The following IQSEC3 variants were observed in gnomAD, a reference collection of about 807,000 sequenced individuals.
IQSEC3 encodes IQ motif and SEC7 domain-containing protein 3.
A neutral mutation model predicts 105.4 loss-of-function variants in IQSEC3; 50 were observed. The ratio of observed to expected loss-of-function variants is 0.47; its 90% confidence interval spans 0.38 to 0.60. The LOEUF (loss-of-function observed/expected upper bound fraction) is 0.60. IQSEC3 is among the 20% of genes least tolerant of loss of function. IQSEC3 has a pLI of 0.00. For missense variants in IQSEC3, 1,415 were observed against 1,630.0 expected, an observed-to-expected ratio of 0.87 and a Z score of 2.27; for synonymous variants, 708 against 746.0, an observed-to-expected ratio of 0.95 and a Z score of 0.83.
intron 13 of IQSEC3, 36 bp downstream of exon 13, chr12:171,197 C>T (rs1938974051): frequency 1.2e-6 from 2 of 1,613,704 alleles, no homozygotes; most frequent in Non-Finnish European, 8.5e-7. Flanking sequence ...TGAGTGACTA[C>T]CCTGCCCCCT....
intron 1 of IQSEC3, among the ~76,000 whole-genome samples, chr12:81,277 G>A (rs902077595): frequency 1.3e-5 from 2 of 152,196 alleles, no homozygotes; most frequent in African/African-American, 4.8e-5. Flanking sequence ...GAGTCCGTTA[G>A]GAAGTGTTTG....
Position 174,874 on chromosome 12 carries a change from C to T in IQSEC3, c.3390C>T (p.Gly1130=), listed in dbSNP as rs768640196. 1 of 1,576,634 alleles carries T rather than the reference C, an allele frequency of 6.3e-7. No individual in the cohort carries two copies. Residue 1130 remains glycine, a synonymous_variant, in exon 14 of 14, where the codon GGC becomes GGT. Coordinates refer to ENST00000538872, the MANE Select transcript of IQSEC3 (RefSeq NM_001170738.2). Reference sequence around the variant, plus strand: ...CCTCGTCGTCCTCTGACTCCTGCGGCTCCACACCCCTGGGCGGTCCCGGCT... The same window carrying T: ...CCTCGTCGTCCTCTGACTCCTGCGGTTCCACACCCCTGGGCGGTCCCGGCT... The part of the protein sequence containing the change: ...CYTSSSSDSC[G]STPLGGPGSP...
intron 1 of IQSEC3, among the ~76,000 whole-genome samples, chr12:76,116 A>G (rs1279541687): frequency 6.6e-6 from 1 of 151,594 alleles, no homozygotes; most frequent in African/African-American, 2.4e-5. Flanking sequence ...ACACACACAC[A>G]CACACACACA....
chr12:68,835 T>C lies in IQSEC3; in HGVS notation c.554+1399T>C, dbSNP rs567523190. ...CAGGGTAGCTCACAGAGCACGTTGA[T>C]CAAAACCACAGGATCTAAGAGGTGA... On this transcript the variant is annotated intron_variant, in intron 1 of 13. Transcript: ENST00000538872. Among the ~76,000 whole-genome samples the C allele has an allele frequency of 3.5e-3, 539 of 152,352 alleles. 4 individuals are homozygous for C. Among genetic ancestry groups the C allele is most frequent in the African/African-American group, 0.012 (505 of 41,550 alleles).
At chr12:126,109 G>A (rs1294060572) in intron 3 of IQSEC3, among the ~76,000 whole-genome samples, 197 bp downstream of exon 3, 1 of 152,240 alleles carries the variant, frequency 6.6e-6, no homozygotes, top group African/African-American at 2.4e-5. Context: ...ACCATGGCAG[G>A]GCTCATACCC....
chr12:174,675 C>T lies in IQSEC3; in HGVS notation c.3191C>T (p.Pro1064Leu), dbSNP rs747026524. 22 of 1,591,408 alleles carry T rather than the reference C, an allele frequency of 1.4e-5. No homozygotes were observed. Among genetic ancestry groups the T allele is most frequent in the Non-Finnish European group, 1.9e-5 (22 of 1,176,338 alleles). ...LGAERGAPVPPPDLQPSPPRQ... is the reference protein window; with the variant it reads ...LGAERGAPVPLPDLQPSPPRQ... ...GCCGAGAGGGGAGCGCCGGTGCCGC[C>T]GCCAGACCTGCAGCCTAGCCCCCCG... The change falls in exon 14 of 14, where the codon CCG becomes CTG. Residue 1064 changes from proline to leucine, a missense_variant. Transcript: ENST00000538872.
chr12:98,619 T>G (rs1555075283), intron 1 of IQSEC3, among the ~76,000 whole-genome samples: 1 of 152,180 alleles, frequency 6.6e-6, no homozygotes, highest in East Asian at 1.9e-4. Context: ...ACCAAATGCC[T>G]CATCAAGCAC....
At chr12:109,297 C>T (rs1421734967) in intron 2 of IQSEC3, among the ~76,000 whole-genome samples, 2 of 152,302 alleles carry the variant, frequency 1.3e-5, no homozygotes, top group East Asian at 3.9e-4. Flanking sequence ...TTCAGTTAGC[C>T]ACAGTCCCCA....
intron 1 of IQSEC3, among the ~76,000 whole-genome samples, chr12:74,653 G>T (rs1281737133): frequency 1.3e-5 from 2 of 152,392 alleles, no homozygotes; most frequent in South Asian, 4.1e-4. Context: ...AGGGCCCCGT[G>T]CTCTGTGCTG....
At chr12:164,282 C>T (rs1346205062) in intron 9 of IQSEC3, among the ~76,000 whole-genome samples, 3 of 152,176 alleles carry the variant, frequency 2.0e-5, no homozygotes, top group African/African-American at 7.2e-5. Context: ...ACCACCTCCA[C>T]TACTACAGTC....
At chr12:135,637 G>C (rs1449461369) in intron 3 of IQSEC3, among the ~76,000 whole-genome samples, 4 of 152,182 alleles carry the variant, frequency 2.6e-5, no homozygotes, top group African/African-American at 9.7e-5. Context: ...CATCACCCAG[G>C]GTGGGTCTGA....
At chr12:119,690 G>T (rs1205397696) in intron 2 of IQSEC3, among the ~76,000 whole-genome samples, 1 of 152,226 alleles carries the variant, frequency 6.6e-6, no homozygotes, top group Non-Finnish European at 1.5e-5. Context: ...AAGCCCAGCA[G>T]CAGCCTTGGC....
At chr12:79,366 C>G (rs1591631434) in intron 1 of IQSEC3, among the ~76,000 whole-genome samples, 1 of 152,298 alleles carries the variant, frequency 6.6e-6, no homozygotes, top group South Asian at 2.1e-4. Flanking sequence ...TTCTGGCCAC[C>G]TGTACTTGTA....
chr12:93,223 C>A (rs549863383), intron 1 of IQSEC3, among the ~76,000 whole-genome samples: 1 of 152,178 alleles, frequency 6.6e-6, no homozygotes, highest in Non-Finnish European at 1.5e-5. Context: ...TGGACCCCCC[C>A]AAAGCTTCAC....
chr12:81,236 A>G (rs1863735332), intron 1 of IQSEC3, among the ~76,000 whole-genome samples: 1 of 152,060 alleles, frequency 6.6e-6, no homozygotes, highest in Non-Finnish European at 1.5e-5. Flanking sequence ...CCTGCCAGAA[A>G]TGCCCCTGTT....
chr12:100,695 G>A (rs1218001146), intron 2 of IQSEC3, among the ~76,000 whole-genome samples: 1 of 152,124 alleles, frequency 6.6e-6, no homozygotes, highest in African/African-American at 2.4e-5. Flanking sequence ...GCCAGGCCTG[G>A]GGACATAAAA....
intron 1 of IQSEC3, among the ~76,000 whole-genome samples, chr12:86,441 T>G (rs1466186699): frequency 6.6e-6 from 1 of 152,106 alleles, no homozygotes; most frequent in African/African-American, 2.4e-5. Context: ...TGTGCGGTAA[T>G]CGGGTCTGGG....
chr12:151,999 T>C (rs1866527712), intron 5 of IQSEC3, among the ~76,000 whole-genome samples: 1 of 152,106 alleles, frequency 6.6e-6, no homozygotes, highest in African/African-American at 2.4e-5. Flanking sequence ...GAACTCATCA[T>C]GACTATAGGT....
intron 1 of IQSEC3, among the ~76,000 whole-genome samples, chr12:79,680 A>G (rs1555070283): frequency 6.6e-6 from 1 of 152,058 alleles, no homozygotes; most frequent in East Asian, 1.9e-4. Context: ...AATCTTCCCA[A>G]TTCAGCCTCC....
Sources: gnomAD v4.1 joint callset for allele counts (sites outside exome capture counted in the v4.1 genomes callset) on GRCh38, gnomAD v4.1.1 for gene constraint, MANE v1.5 for transcripts, NCBI Gene and HGNC (gene_info 2026-07-23, HGNC 2026-07-21) for gene names.